Variants in LAMA1 observed in about 807,000 individuals in gnomAD.
LAMA1 encodes the protein laminin subunit alpha 1, also known as laminin subunit alpha-1.
Under a neutral mutation model 348.7 loss-of-function variants are expected in LAMA1, and 219 were observed. The ratio of observed to expected loss-of-function variants is 0.63; its 90% CI spans 0.56 to 0.70. The LOEUF is 0.70. Ranked by LOEUF, LAMA1 falls within the 30% of genes least tolerant of loss-of-function variation. LAMA1 has a pLI of 0.00. For synonymous variants in LAMA1, 1,487 were observed against 1,491.0 expected, an observed-to-expected ratio of 1.00 and a Z score of 0.06; for missense variants, 3,744 against 3,888.0, an observed-to-expected ratio of 0.96 and a Z score of 0.99.
At chr18:7,114,662 T>C (rs1296122125) in intron 1 of LAMA1, among the ~76,000 whole-genome samples, 2 of 152,182 alleles carry the variant, frequency 1.3e-5, no homozygotes, top group South Asian at 2.1e-4. Flanking sequence ...ACACGTTATG[T>C]CCCCAATTTG....
chr18:7,028,100 C>T (rs55853392), intron 16 of LAMA1, among the ~76,000 whole-genome samples: 7,747 of 152,188 alleles, frequency 0.051, 649 homozygotes, highest in African/African-American at 0.18. Flanking sequence ...GGGTGGGCAT[C>T]GGCTTCGACA....
Position 7,038,917 on chromosome 18 carries a change from T to G in LAMA1, c.1456A>C (p.Lys486Gln), listed in dbSNP as rs1036090593. 1 of 1,613,938 alleles carries G rather than the reference T, an allele frequency of 6.2e-7. No homozygotes were observed. Among genetic ancestry groups the G allele is most frequent in the Non-Finnish European group, 8.5e-7 (1 of 1,179,922 alleles). Residue 486 changes from lysine (K) to glutamine (Q), a missense_variant, in exon 11 of 63, where the codon AAG becomes CAG. Around this residue, in one of 3 missense-constraint regions of LAMA1, gnomAD observed 1,529 missense variants for 1,689.4 expected, o/e 0.91. Coordinates refer to ENST00000389658, the MANE Select transcript of LAMA1 (RefSeq NM_005559.4). ...NVEGKACDRCKPGFYNLKEKN... is the reference protein window; with the variant it reads ...NVEGKACDRCQPGFYNLKEKN... ...TCCTTCAAGTTATAGAATCCTGGCTTGCAGCGATCACAGGCCTTCCCCTCA... is the reference window on the plus strand; with the variant it reads ...TCCTTCAAGTTATAGAATCCTGGCTGGCAGCGATCACAGGCCTTCCCCTCA...
chr18:7,024,000 G>A (rs754740232), intron 18 of LAMA1, among the ~76,000 whole-genome samples: 12 of 151,644 alleles, frequency 7.9e-5, no homozygotes, highest in Admixed American at 2.6e-4. Context: ...CGTCATGCCC[G>A]GCCTTTTGTT....
intron 46 of LAMA1, among the ~76,000 whole-genome samples, chr18:6,973,865 T>C (rs2057669525): frequency 6.6e-6 from 1 of 152,198 alleles, no homozygotes; most frequent in African/African-American, 2.4e-5. Context: ...ACTGCAGCCT[T>C]GACCTCCTGT....
At chr18:6,981,089 C>T (rs1325759991) in intron 41 of LAMA1, among the ~76,000 whole-genome samples, 11 of 147,656 alleles carry the variant, frequency 7.4e-5, no homozygotes, top group South Asian at 2.1e-4. Flanking sequence ...GGCGACGGAG[C>T]GAGACTCCGT....
intron 57 of LAMA1, 59 bp from the exon 58 acceptor site, chr18:6,951,030 C>A: frequency 6.7e-7 from 1 of 1,484,774 alleles, no homozygotes; most frequent in Non-Finnish European, 9.2e-7. Context: ...ATTTTTAAAA[C>A]CTCAAAAGAG....
intron 1 of LAMA1, among the ~76,000 whole-genome samples, chr18:7,107,393 C>T (rs922483249): frequency 1.3e-5 from 2 of 152,102 alleles, no homozygotes; most frequent in African/African-American, 2.4e-5. Flanking sequence ...GCTGAGATTA[C>T]AGGCGTGAGC....
At chr18:7,090,539 T>C (rs979621419) in intron 1 of LAMA1, among the ~76,000 whole-genome samples, 7 of 152,136 alleles carry the variant, frequency 4.6e-5, no homozygotes, top group Admixed American at 3.9e-4. Flanking sequence ...AAAGTAATCA[T>C]TGATGGCTGT....
At position 6,942,347 on chromosome 18, in the gene LAMA1, T is replaced by A. The variant is rs1213285049; in HGVS notation, c.9068-108A>T. On this transcript the variant is annotated intron_variant, in intron 62 of 62. Transcript: ENST00000389658. Reference sequence around the variant, plus strand: ...CAAGCGGGTTTTTTTATTTTTTAAATTTTTCACTATCAAAATTAGGAGAAT... The same window carrying A: ...CAAGCGGGTTTTTTTATTTTTTAAAATTTTCACTATCAAAATTAGGAGAAT... 4 of 1,162,782 alleles carry A rather than the reference T, an allele frequency of 3.4e-6. No homozygotes were observed. The Admixed American group carries it at 9.4e-5, about 27-fold the overall frequency. 72.0% of individuals were successfully genotyped at this position (1,162,782 alleles called of 1,614,324 possible).
chr18:7,094,426 C>CAAA (rs1194222301), intron 1 of LAMA1, among the ~76,000 whole-genome samples: 6 of 63,390 alleles, frequency 9.5e-5, no homozygotes, highest in Admixed American at 1.8e-4. Context: ...GACTCCGTCT[C>CAAA]AAAAAAAAAA....
At chr18:7,072,850 G>A (rs979285887) in intron 3 of LAMA1, among the ~76,000 whole-genome samples, 2 of 152,112 alleles carry the variant, frequency 1.3e-5, no homozygotes, top group Non-Finnish European at 2.9e-5. Context: ...CCCTGACGGC[G>A]ACACTAGTGG....
At position 7,035,430 on chromosome 18, in the gene LAMA1, T is replaced by A. The variant is rs542942568; in HGVS notation, c.1839+557A>T. 4.0e-3 allele frequency among the ~76,000 whole-genome samples: 604 copies of A among 151,944 alleles called. 4 individuals are homozygous for A. Among genetic ancestry groups the A allele is most frequent in the Middle Eastern group, 0.014 (4 of 292 alleles). Reference sequence around the variant, plus strand: ...ATTTGTCTCCTTTTTACTTAAAATTTTTTTTTTTTTGAGATAGGCTCTCTC... The same window carrying A: ...ATTTGTCTCCTTTTTACTTAAAATTATTTTTTTTTTGAGATAGGCTCTCTC... On this transcript the variant is annotated intron_variant, in intron 13 of 62. Transcript: ENST00000389658.
intron 1 of LAMA1, among the ~76,000 whole-genome samples, chr18:7,109,954 C>T (rs1019329915): frequency 2.0e-5 from 3 of 152,124 alleles, no homozygotes; most frequent in African/African-American, 7.2e-5. Context: ...GAGGCCAAGG[C>T]GGGTGGATCA....
chr18:6,982,924 G>A (rs756363455), intron 40 of LAMA1, among the ~76,000 whole-genome samples, 175 bp downstream of exon 40: 8 of 152,142 alleles, frequency 5.3e-5, no homozygotes, highest in Non-Finnish European at 8.8e-5. Context: ...GTATAAAGAA[G>A]TATTTATGAC....
intron 3 of LAMA1, among the ~76,000 whole-genome samples, chr18:7,075,065 T>C (rs948675293): frequency 6.7e-6 from 1 of 149,448 alleles, no homozygotes; most frequent in Non-Finnish European, 1.5e-5. Context: ...ATGTTAGCAT[T>C]TGCCAACACA....
At chr18:6,963,537 G>A (rs1190176445) in intron 51 of LAMA1, among the ~76,000 whole-genome samples, 1 of 152,242 alleles carries the variant, frequency 6.6e-6, no homozygotes, top group East Asian at 1.9e-4. Flanking sequence ...CAGTGGAGAA[G>A]TGGCTCTCTC....
At chr18:7,028,111 T>C (rs80052685) in intron 16 of LAMA1, among the ~76,000 whole-genome samples, 26 of 152,240 alleles carry the variant, frequency 1.7e-4, no homozygotes, top group African/African-American at 6.0e-4. Flanking sequence ...GGCTTCGACA[T>C]TGTAGGAGAA....
rs1378373702 is a variant in LAMA1, at chr18:7,023,256, C to G, written c.2609G>C (p.Cys870Ser). The part of the protein sequence containing the change: ...AGHCDSVTGE[C>S]LKCLGNTDGA... Reference sequence around the variant, plus strand: ...ATCTGTGTTCCCCAGGCACTTCAGGCACTCCCCGGTGACTGAGTCACAGTG... The same window carrying G: ...ATCTGTGTTCCCCAGGCACTTCAGGGACTCCCCGGTGACTGAGTCACAGTG... Residue 870 changes from cysteine to serine, a missense_variant, in exon 19 of 63, where the codon TGC (cysteine) becomes TCC (serine). By Grantham distance (112) the Cys-to-Ser change is moderately radical (BLOSUM62 -1). Transcript: ENST00000389658. 2 of 1,614,114 alleles carry G rather than the reference C, an allele frequency of 1.2e-6. No homozygotes were observed. The highest frequency in any genetic ancestry group is 1.7e-6 in the Non-Finnish European group (2 of 1,180,044).
intron 22 of LAMA1, among the ~76,000 whole-genome samples, chr18:7,015,146 C>T (rs1251020522): frequency 6.6e-6 from 1 of 152,182 alleles, no homozygotes; most frequent in African/African-American, 2.4e-5. Context: ...CCGCACCCAG[C>T]CATTTTTTGG....
Sources: gnomAD v4.1 joint callset for allele counts (sites outside exome capture counted in the v4.1 genomes callset) on GRCh38, gnomAD v4.1.1 for gene constraint, gnomAD v4.1.1 regional missense constraint, MANE v1.5 for transcripts, NCBI Gene and HGNC (gene_info 2026-07-23, HGNC 2026-07-21) for gene names.